FBXL7: variants seen among roughly 807,000 people sequenced by gnomAD.
FBXL7 encodes the protein F-box and leucine rich repeat protein 7.
Under a neutral mutation model 38.3 loss-of-function variants are expected in FBXL7, and 12 were observed. The observed-to-expected ratio is 0.31, with a 90% CI of 0.20 to 0.51. FBXL7 has a LOEUF of 0.51. Ranked by LOEUF, FBXL7 falls within the 20% of genes least tolerant of loss-of-function variation. The pLI, the probability that FBXL7 is intolerant of heterozygous loss-of-function variation, is 0.98. For synonymous variants in FBXL7, 297 were observed against 300.9 expected, an observed-to-expected ratio of 0.99 and a Z score of 0.13; for missense variants, 567 against 676.4, an observed-to-expected ratio of 0.84 and a Z score of 1.79.
intron 2 of FBXL7, among the ~76,000 whole-genome samples, chr5:15,789,791 C>T (rs1438184455): frequency 1.3e-5 from 2 of 152,218 alleles, no homozygotes; most frequent in Admixed American, 1.3e-4. Context: ...GTGTGGGAGG[C>T]AGAGTGGACC....
At chr5:15,827,437 A>G (rs1423576102) in intron 2 of FBXL7, among the ~76,000 whole-genome samples, 2 of 152,110 alleles carry the variant, frequency 1.3e-5, no homozygotes, top group African/African-American at 4.8e-5. Flanking sequence ...GTTTTAGTTG[A>G]CTTTGTTCTT....
At chr5:15,915,458 C>T (rs1371720932) in intron 2 of FBXL7, among the ~76,000 whole-genome samples, 2 of 152,204 alleles carry the variant, frequency 1.3e-5, no homozygotes, top group African/African-American at 4.8e-5. Flanking sequence ...GTGCCATCTC[C>T]CTCTGCATAT....
intron 1 of FBXL7, among the ~76,000 whole-genome samples, chr5:15,533,096 GA>G (rs1737476407): frequency 6.6e-6 from 1 of 152,178 alleles, no homozygotes; most frequent in Non-Finnish European, 1.5e-5. Context: ...AGTGGACATT[GA>G]AGTCTGAAGC....
intron 1 of FBXL7, among the ~76,000 whole-genome samples, chr5:15,595,612 C>G (rs1041484376): frequency 4.6e-5 from 7 of 152,186 alleles, no homozygotes; most frequent in African/African-American, 1.7e-4. Flanking sequence ...ATGTGCCAAG[C>G]TTCCAACTAG....
intron 2 of FBXL7, among the ~76,000 whole-genome samples, chr5:15,646,440 T>G (rs1741536372): frequency 6.6e-6 from 1 of 152,176 alleles, no homozygotes. Flanking sequence ...CTTGAAAGAA[T>G]GCCAGGAAAT....
chr5:15,737,847 A>G (rs1735794429), intron 2 of FBXL7, among the ~76,000 whole-genome samples: 1 of 152,208 alleles, frequency 6.6e-6, no homozygotes, highest in African/African-American at 2.4e-5. Flanking sequence ...TCCTGTAATT[A>G]CCAAAGCATC....
chr5:15,904,676 TA>T (rs996567993), intron 2 of FBXL7, among the ~76,000 whole-genome samples: 21 of 152,200 alleles, frequency 1.4e-4, no homozygotes, highest in Non-Finnish European at 2.4e-4. Context: ...AATTTTTCCC[TA>T]AAAAAATCTC....
At chr5:15,847,968 C>T (rs1411042069) in intron 2 of FBXL7, among the ~76,000 whole-genome samples, 7 of 152,176 alleles carry the variant, frequency 4.6e-5, no homozygotes, top group Non-Finnish European at 8.8e-5. Flanking sequence ...TGGAGAGGAA[C>T]ACAGCCCAGC....
At chr5:15,565,318 C>A (rs1468800639) in intron 1 of FBXL7, among the ~76,000 whole-genome samples, 1 of 152,106 alleles carries the variant, frequency 6.6e-6, no homozygotes, top group Middle Eastern at 3.4e-3. Context: ...TGAACGGAAA[C>A]CTTCATCCTC....
At chr5:15,550,451 T>C (rs1358542197) in intron 1 of FBXL7, among the ~76,000 whole-genome samples, 2 of 152,144 alleles carry the variant, frequency 1.3e-5, no homozygotes, top group African/African-American at 4.8e-5. Context: ...GATAGACTTC[T>C]GGAAGGCGCT....
At chr5:15,525,893 C>T (rs1737238632) in intron 1 of FBXL7, among the ~76,000 whole-genome samples, 1 of 152,194 alleles carries the variant, frequency 6.6e-6, no homozygotes, top group African/African-American at 2.4e-5. Context: ...AAGTATTATA[C>T]AAGCACTACA....
At chr5:15,528,204 G>A (rs1383320586) in intron 1 of FBXL7, among the ~76,000 whole-genome samples, 1 of 152,120 alleles carries the variant, frequency 6.6e-6, no homozygotes, top group African/African-American at 2.4e-5. Flanking sequence ...AATCTACTAA[G>A]ATTATCTACA....
At chr5:15,616,663 C>T (rs528222877) in intron 2 of FBXL7, among the ~76,000 whole-genome samples, 1 of 152,156 alleles carries the variant, frequency 6.6e-6, no homozygotes, top group Admixed American at 6.6e-5. Context: ...AATTCCACTG[C>T]TTTTCAATAT....
chr5:15,938,444 A>G lies in FBXL7; in HGVS notation c.*1258A>G, dbSNP rs3810847. On this transcript the variant is annotated 3_prime_UTR_variant, in exon 4 of 4. Transcript: ENST00000504595. ...TTCTTTGTCATTCAGATTGCATTTG[A>G]CCTCTTCTCATCTATTTATTTCTTT... The G allele has an allele frequency of 0.28, 42,412 of 151,936 alleles. 6,243 individuals are homozygous for G. Among genetic ancestry groups the G allele is most frequent in the African/African-American group, 0.37 (15,481 of 41,410 alleles). 9.4% of individuals were successfully genotyped at this position (151,936 alleles called of 1,614,324 possible). A position where few individuals can be genotyped will look rare whatever the true frequency, so the allele number is the denominator to read the frequency against.
chr5:15,814,618 C>T (rs574718903), intron 2 of FBXL7, among the ~76,000 whole-genome samples: 2 of 151,880 alleles, frequency 1.3e-5, no homozygotes, highest in South Asian at 4.2e-4. Context: ...GAAATAAAAA[C>T]AATTTTTGCA....
At chr5:15,900,345 T>A (rs1465169222) in intron 2 of FBXL7, among the ~76,000 whole-genome samples, 3 of 152,238 alleles carry the variant, frequency 2.0e-5, no homozygotes, top group East Asian at 3.9e-4. Flanking sequence ...TCCACCACCC[T>A]AGTAACATCA....
At chr5:15,750,473 A>C (rs956011096) in intron 2 of FBXL7, among the ~76,000 whole-genome samples, 3 of 152,158 alleles carry the variant, frequency 2.0e-5, no homozygotes, top group African/African-American at 4.8e-5. Flanking sequence ...GTTTAGTGTA[A>C]AGGGAAGCAT....
chr5:15,829,519 A>G (rs1240115333), intron 2 of FBXL7, among the ~76,000 whole-genome samples: 3 of 152,248 alleles, frequency 2.0e-5, no homozygotes, highest in South Asian at 2.1e-4. Flanking sequence ...CAAGAAATAA[A>G]TGGTTAAAAA....
At chr5:15,509,424 T>A (rs1736733117) in intron 1 of FBXL7, among the ~76,000 whole-genome samples, 1 of 152,168 alleles carries the variant, frequency 6.6e-6, no homozygotes, top group Admixed American at 6.5e-5. Context: ...CCAAACAAGA[T>A]AATCTTCCTG....
Sources: gnomAD v4.1 joint callset for allele counts (sites outside exome capture counted in the v4.1 genomes callset) on GRCh38, gnomAD v4.1.1 for gene constraint, MANE v1.5 for transcripts, NCBI Gene and HGNC (gene_info 2026-07-23, HGNC 2026-07-21) for gene names.